BBOF1: variants seen among roughly 807,000 people sequenced by gnomAD.
The protein encoded by BBOF1 is basal body orientation factor 1.
BBOF1 carries 62 observed loss-of-function variants against 68.0 expected under a neutral mutation model. That is an observed-to-expected ratio of 0.91 (90% CI 0.74 to 1.13). BBOF1 has a LOEUF of 1.13. Ranked by LOEUF, BBOF1 falls within the 50% of genes most tolerant of loss-of-function variation. The pLI, the probability that BBOF1 is intolerant of heterozygous loss-of-function variation, is 0.00. For missense variants in BBOF1, 534 were observed against 600.1 expected (o/e 0.89, Z 1.15); for synonymous variants, 208 against 198.8 (o/e 1.05, Z -0.39).
chr14:74,056,700 A>T (rs2060217418), intron 9 of BBOF1: 1 of 489,712 alleles, frequency 2.0e-6, no homozygotes, highest in African/African-American at 2.0e-5. Context: ...TAAATACTTG[A>T]AGGGATGGAT....
Position 74,049,648 on chromosome 14 carries a change from C to T in BBOF1, c.793-54C>T, listed in dbSNP as rs763232726. On this transcript the variant is annotated intron_variant, in intron 7 of 11. Transcript: ENST00000394009. Reference sequence around the variant, plus strand: ...CTGCCCTCCAGCCTGGGCGACAGAGCAAGATTCCATCTCAAAAGAAAAAAA... The same window carrying T: ...CTGCCCTCCAGCCTGGGCGACAGAGTAAGATTCCATCTCAAAAGAAAAAAA... 246 of 1,446,706 alleles carry T rather than the reference C, an allele frequency of 1.7e-4. 1 individual carries two copies. Among genetic ancestry groups the T allele is most frequent in the Non-Finnish European group, 3.7e-5 (40 of 1,091,452 alleles). 89.6% of individuals were successfully genotyped at this position (1,446,706 alleles called of 1,614,324 possible). A position where few individuals can be genotyped will look rare whatever the true frequency, so the allele number is the denominator to read the frequency against.
Position 74,065,431 on chromosome 14 carries a change from C to T in BBOF1, c.*732C>T. ...CTGAGTATTTTATGCTTATTTGGTA[C>T]TTTCACTTACTACACATCATTTACG... On this transcript the variant is annotated 3_prime_UTR_variant, in exon 12 of 12. Coordinates refer to ENST00000394009, the MANE Select transcript of BBOF1 (RefSeq NM_025057.3). 2 of 1,322,388 alleles carry T rather than the reference C, an allele frequency of 1.5e-6. No individual in the cohort carries two copies. Among genetic ancestry groups the T allele is most frequent in the Non-Finnish European group, 2.1e-6 (2 of 932,256 alleles). 81.9% of individuals were successfully genotyped at this position (1,322,388 alleles called of 1,614,324 possible). A position where few individuals can be genotyped will look rare whatever the true frequency, so the allele number is the denominator to read the frequency against.
chr14:74,077,649 G>A (rs1473385889), intron 9 of BBOF1, among the ~76,000 whole-genome samples: 1 of 152,094 alleles, frequency 6.6e-6, no homozygotes, highest in African/African-American at 2.4e-5. Flanking sequence ...ACTCACTACA[G>A]CACAAAGCCA....
rs550542647 is a variant in BBOF1 at position 74,056,898 on chromosome 14, C to G, written c.1389-8C>G. 3 of 1,602,554 alleles carry G rather than the reference C, an allele frequency of 1.9e-6. No individual in the cohort carries two copies. The highest frequency in any genetic ancestry group is 2.7e-5 in the African/African-American group (2 of 74,776). ...TTCATTATCTTTGTTGACTTTTACCCACTACAGGAAATACAACCAGAGTTC... is the reference window on the plus strand; with the variant it reads ...TTCATTATCTTTGTTGACTTTTACCGACTACAGGAAATACAACCAGAGTTC... On this transcript the variant is annotated splice_region_variant and splice_polypyrimidine_tract_variant and intron_variant, in intron 9 of 11. Coordinates refer to ENST00000394009, the MANE Select transcript of BBOF1 (RefSeq NM_025057.3).
downstream of BBOF1, among the ~76,000 whole-genome samples, chr14:74,070,475 C>T (rs1438181224): frequency 6.6e-6 from 1 of 152,082 alleles, no homozygotes; most frequent in Non-Finnish European, 1.5e-5. Context: ...GCCGAGATCG[C>T]ACCACTGCTC....
At chr14:74,020,803 C>G (rs928341650) in intron 1 of BBOF1, among the ~76,000 whole-genome samples, 1 of 152,158 alleles carries the variant, frequency 6.6e-6, no homozygotes, top group Non-Finnish European at 1.5e-5. Context: ...CATGCCCTGT[C>G]GCATCAAGTA....
chr14:74,023,493 A>C (rs1566788400), intron 2 of BBOF1, among the ~76,000 whole-genome samples: 1 of 152,226 alleles, frequency 6.6e-6, no homozygotes, highest in Non-Finnish European at 1.5e-5. Flanking sequence ...AAAGCAGTTC[A>C]CTGATAATCC....
Position 74,046,183 on chromosome 14 carries a change from C to A in BBOF1, c.647+53C>A, listed in dbSNP as rs981698903. On this transcript the variant is annotated intron_variant, in intron 6 of 11. Coordinates refer to ENST00000394009, the MANE Select transcript of BBOF1 (RefSeq NM_025057.3). ...TCTGATTACCTCTCTTACCTCTTTG[C>A]TGGTCTCTTTTCTTCTTACTTTCTT... 4.8e-6 allele frequency: 7 copies of A among 1,456,230 alleles called. No homozygotes were observed. In the Admixed American group the frequency reaches 1.6e-4, roughly 33 times the overall value. The allele number at this position is 1,456,230 out of a possible 1,614,324, so 90.2% of individuals were successfully genotyped here.
At chr14:74,048,593 C>T (rs1200755293) in intron 7 of BBOF1, 1 of 152,168 alleles carries the variant, frequency 6.6e-6, no homozygotes, top group Non-Finnish European at 1.5e-5. Context: ...CTAACCATTC[C>T]TTTAAATAGC....
At position 74,060,043 on chromosome 14, in the gene BBOF1, G is replaced by C. The variant is rs113031892; in HGVS notation, c.1578+2785G>C. 2.0e-3 allele frequency: 318 copies of C among 155,730 alleles called. 1 individual carries two copies. Among genetic ancestry groups the C allele is most frequent in the Non-Finnish European group, 3.6e-3 (254 of 70,270 alleles). The allele number at this position is 155,730 out of a possible 1,614,324, so 9.6% of individuals were successfully genotyped here. On this transcript the variant is annotated intron_variant, in intron 11 of 11. Coordinates refer to ENST00000394009, the MANE Select transcript of BBOF1 (RefSeq NM_025057.3). Reference sequence around the variant, plus strand: ...AGGAGGTCTCTCCCAGTGGCATTTAGGTAGCGCTATGTTTGAGGATCAACC... The same window carrying C: ...AGGAGGTCTCTCCCAGTGGCATTTACGTAGCGCTATGTTTGAGGATCAACC...
At position 74,065,180 on chromosome 14, in the gene BBOF1, C is replaced by T. The variant is rs374824058; in HGVS notation, c.*481C>T. The T allele has an allele frequency of 6.2e-7, 1 of 1,613,976 alleles. No individual in the cohort carries two copies. The highest frequency in any genetic ancestry group is 1.3e-5 in the African/African-American group (1 of 74,902). Reference sequence around the variant, plus strand: ...ATCTCTTAAAAATTCTGTTCACGAACCTGTCCAACATCCACCAAGTGGGCA... The same window carrying T: ...ATCTCTTAAAAATTCTGTTCACGAATCTGTCCAACATCCACCAAGTGGGCA... On this transcript the variant is annotated 3_prime_UTR_variant, in exon 12 of 12. Coordinates refer to ENST00000394009, the MANE Select transcript of BBOF1 (RefSeq NM_025057.3).
At chr14:74,073,791 G>A (rs770198301) in intron 9 of BBOF1, among the ~76,000 whole-genome samples, 8 of 151,582 alleles carry the variant, frequency 5.3e-5, no homozygotes, top group Non-Finnish European at 8.8e-5. Flanking sequence ...GGTGGCATGC[G>A]ACTGTAATCC....
At chr14:74,023,662 TC>T (rs1272260287) in intron 2 of BBOF1, among the ~76,000 whole-genome samples, 6 of 152,100 alleles carry the variant, frequency 3.9e-5, no homozygotes, top group African/African-American at 1.4e-4. Flanking sequence ...ACGCCTGTAA[TC>T]CCACCACTTT....
chr14:74,052,747 A>G (rs1316210901), intron 8 of BBOF1, among the ~76,000 whole-genome samples: 1 of 152,134 alleles, frequency 6.6e-6, no homozygotes, highest in African/African-American at 2.4e-5. Flanking sequence ...CTGTAATTCC[A>G]GCACTTTGGG....
At chr14:74,041,430 C>T (rs2059823131) in intron 5 of BBOF1, among the ~76,000 whole-genome samples, 1 of 152,212 alleles carries the variant, frequency 6.6e-6, no homozygotes, top group South Asian at 2.1e-4. Context: ...TCAGAGGCCT[C>T]ATGGTTGTTC....
At chr14:74,057,448 T>C (rs2060239773) in intron 11 of BBOF1, 190 bp downstream of exon 11, 2 of 1,466,044 alleles carry the variant, frequency 1.4e-6, no homozygotes, top group Non-Finnish European at 1.8e-6. Flanking sequence ...ATTATACTAA[T>C]GCAAATGCAA....
At chr14:74,050,305 C>A in intron 8 of BBOF1, 110 bp downstream of exon 8, 1 of 1,254,946 alleles carries the variant, frequency 8.0e-7, no homozygotes, top group Non-Finnish European at 1.1e-6. Context: ...GAATAGATTT[C>A]TCAGTAGGTT....
intron 9 of BBOF1, among the ~76,000 whole-genome samples, chr14:74,056,198 ATT>A (rs34594924): frequency 9.7e-5 from 12 of 123,894 alleles, no homozygotes; most frequent in Non-Finnish European, 6.6e-5. Context: ...CGCCCGGCTA[ATT>A]TTTTTTTTTT....
chr14:74,049,239 C>T (rs2060015106), intron 7 of BBOF1, among the ~76,000 whole-genome samples: 1 of 152,114 alleles, frequency 6.6e-6, no homozygotes, highest in African/African-American at 2.4e-5. Flanking sequence ...AGTAGATTGC[C>T]TTCCCAAGTC....
Sources: gnomAD v4.1 joint callset for allele counts (sites outside exome capture counted in the v4.1 genomes callset) on GRCh38, gnomAD v4.1.1 for gene constraint, MANE v1.5 for transcripts, NCBI Gene and HGNC (gene_info 2026-07-23, HGNC 2026-07-21) for gene names.